NXPE2: variants seen among roughly 807,000 people sequenced by gnomAD.
NXPE2 encodes NXPE family member 2.
NXPE2 carries 34 observed loss-of-function variants against 34.4 expected under a neutral mutation model. The ratio of observed to expected loss-of-function variants is 0.99; its 90% CI spans 0.75 to 1.31. The LOEUF is 1.31. NXPE2 is among the 40% of genes most tolerant of loss of function. The pLI, the probability that NXPE2 is intolerant of heterozygous loss-of-function variation, is 0.00. For synonymous variants in NXPE2, 235 were observed against 231.3 expected (o/e 1.02, Z -0.15); for missense variants, 649 against 672.5 (o/e 0.97, Z 0.39).
the NXPE2 span, among the ~76,000 whole-genome samples, chr11:114,763,633 A>T: frequency 6.6e-6 from 1 of 152,212 alleles, no homozygotes; most frequent in Non-Finnish European, 1.5e-5. Context: ...TAGCATTTCT[A>T]GAGTGAACCT....
At chr11:114,466,989 G>A in the NXPE2 span, among the ~76,000 whole-genome samples, 1 of 152,292 alleles carries the variant, frequency 6.6e-6, no homozygotes, top group Admixed American at 6.5e-5. Context: ...ACAGCTTCCA[G>A]ACAACAGATA....
chr11:114,516,108 C>T, the NXPE2 span, among the ~76,000 whole-genome samples: 53,083 of 152,038 alleles, frequency 0.35, 9,587 homozygotes, highest in East Asian at 0.66. Context: ...AATTCAAATG[C>T]AGACAGTCTG....
chr11:114,483,484 T>C, the NXPE2 span, among the ~76,000 whole-genome samples: 2 of 152,212 alleles, frequency 1.3e-5, no homozygotes, highest in Non-Finnish European at 2.9e-5. Flanking sequence ...GATTGTTGTA[T>C]AAATGCAAGG....
At chr11:114,711,564 G>A (rs977126496), downstream of NXPE2, among the ~76,000 whole-genome samples, 3 of 152,048 alleles carry the variant, frequency 2.0e-5, no homozygotes, top group East Asian at 3.8e-4. Flanking sequence ...CTTAATTAAG[G>A]AGATGAAAGA....
the NXPE2 span, among the ~76,000 whole-genome samples, chr11:114,807,629 CAAG>C: frequency 6.6e-6 from 1 of 151,476 alleles, no homozygotes. Flanking sequence ...ATCAATTCAA[CAAG>C]AAGAGCTAAC....
At chr11:114,535,595 A>C in the NXPE2 span, among the ~76,000 whole-genome samples, 1 of 152,212 alleles carries the variant, frequency 6.6e-6, no homozygotes, top group East Asian at 1.9e-4. Context: ...AAGATCTACC[A>C]AGCAAATGGA....
the NXPE2 span, among the ~76,000 whole-genome samples, chr11:114,524,834 T>C: frequency 6.6e-6 from 1 of 152,172 alleles, no homozygotes; most frequent in Non-Finnish European, 1.5e-5. Context: ...ACTTAATAGT[T>C]TTAGAATAAG....
the NXPE2 span, among the ~76,000 whole-genome samples, chr11:114,568,439 T>A: frequency 6.6e-6 from 1 of 152,146 alleles, no homozygotes; most frequent in South Asian, 2.1e-4. Context: ...GCTATAGTAG[T>A]CCATGGTGAT....
At chr11:114,668,431 C>T in the NXPE2 span, among the ~76,000 whole-genome samples, 3 of 151,644 alleles carry the variant, frequency 2.0e-5, no homozygotes, top group African/African-American at 7.3e-5. Context: ...CAGTAGATAA[C>T]TAATACACAG....
the NXPE2 span, among the ~76,000 whole-genome samples, chr11:114,466,329 C>A: frequency 1.3e-5 from 2 of 152,122 alleles, no homozygotes; most frequent in African/African-American, 4.8e-5. Flanking sequence ...AAAACCCAAG[C>A]CTTCTTAGTA....
At chr11:114,590,124 G>A in the NXPE2 span, among the ~76,000 whole-genome samples, 28,221 of 152,130 alleles carry the variant, frequency 0.19, 2,980 homozygotes, top group African/African-American at 0.28. Context: ...GTTTGGACAG[G>A]CATTGTCAAA....
intron 4 of NXPE2, 35 bp from the exon 5 acceptor site, chr11:114,705,746 T>G (rs370503342): frequency 1.8e-4 from 234 of 1,306,248 alleles, no homozygotes; most frequent in Admixed American, 2.4e-4. Flanking sequence ...TTTGTGGTAA[T>G]AAAAATTACT....
the NXPE2 span, among the ~76,000 whole-genome samples, chr11:114,784,971 A>C: frequency 6.6e-6 from 1 of 152,224 alleles, no homozygotes; most frequent in East Asian, 1.9e-4. Context: ...ATAGATAAAA[A>C]CCAGAAAATA....
At chr11:114,531,313 C>T in the NXPE2 span, among the ~76,000 whole-genome samples, 1 of 152,092 alleles carries the variant, frequency 6.6e-6, no homozygotes, top group Non-Finnish European at 1.5e-5. Context: ...ATATGCCTTA[C>T]ATCCAGTAAC....
chr11:114,788,283 A>C, the NXPE2 span, among the ~76,000 whole-genome samples: 1 of 152,156 alleles, frequency 6.6e-6, no homozygotes, highest in African/African-American at 2.4e-5. Flanking sequence ...AGGGTAGAGG[A>C]GAGGACCAGC....
At chr11:114,514,903 CTA>C in the NXPE2 span, among the ~76,000 whole-genome samples, 1 of 151,970 alleles carries the variant, frequency 6.6e-6, no homozygotes, top group African/African-American at 2.4e-5. Context: ...TTTTAATAAA[CTA>C]TATATTTATA....
the NXPE2 span, among the ~76,000 whole-genome samples, chr11:114,573,025 C>A: frequency 6.6e-6 from 1 of 152,146 alleles, no homozygotes; most frequent in Non-Finnish European, 1.5e-5. Flanking sequence ...TCAGCAGAAA[C>A]CCTACAAGCT....
chr11:114,611,223 C>T, the NXPE2 span, among the ~76,000 whole-genome samples: 1 of 151,574 alleles, frequency 6.6e-6, no homozygotes, highest in Non-Finnish European at 1.5e-5. Context: ...GCATGGGTAA[C>T]CACTGTTATC....
chr11:114,747,529 G>A, the NXPE2 span, among the ~76,000 whole-genome samples: 1 of 151,986 alleles, frequency 6.6e-6, no homozygotes, highest in Non-Finnish European at 1.5e-5. Flanking sequence ...TGACTCACAG[G>A]TCTGCATGGC....
Sources: allele counts gnomAD v4.1 joint callset (sites outside exome capture counted in the v4.1 genomes callset), GRCh38; gene constraint gnomAD v4.1.1; transcripts MANE v1.5; gene names NCBI Gene and HGNC (gene_info 2026-07-23, HGNC 2026-07-21).